The following MTUS1 variants were observed in gnomAD, a reference collection of about 807,000 sequenced individuals.
MTUS1 encodes microtubule-associated tumor suppressor 1.
MTUS1 carries 109 observed loss-of-function variants against 120.8 expected under a neutral mutation model. That is an observed-to-expected ratio of 0.90 (90% CI 0.77 to 1.06). The LOEUF (loss-of-function observed/expected upper bound fraction) is 1.06. MTUS1 is among the 50% of genes least tolerant of loss of function. The pLI, the probability that MTUS1 is intolerant of heterozygous loss-of-function variation, is 0.00. For missense variants in MTUS1, 2,210 were observed against 1,486.3 expected, an observed-to-expected ratio of 1.49 and a Z score of -8.01; for synonymous variants, 737 against 550.5, an observed-to-expected ratio of 1.34 and a Z score of -4.74.
chr8:17,790,117 G>A (rs1270628063), intron 1 of MTUS1, among the ~76,000 whole-genome samples: 1 of 152,156 alleles, frequency 6.6e-6, no homozygotes, highest in African/African-American at 2.4e-5. Context: ...GGGAGGTTGA[G>A]GCAGGTGGAT....
intron 7 of MTUS1, among the ~76,000 whole-genome samples, chr8:17,679,518 T>TA (rs1813881846): frequency 6.8e-6 from 1 of 146,886 alleles, no homozygotes; most frequent in African/African-American, 2.5e-5. Flanking sequence ...TTTATTTATT[T>TA]TTTGAGACAG....
At chr8:17,791,866 A>G (rs1052186043) in intron 1 of MTUS1, among the ~76,000 whole-genome samples, 1 of 152,216 alleles carries the variant, frequency 6.6e-6, no homozygotes, top group Non-Finnish European at 1.5e-5. Flanking sequence ...ACTAGAGACT[A>G]AGGAAGGTTA....
intron 2 of MTUS1, among the ~76,000 whole-genome samples, chr8:17,747,576 G>C (rs1396723350): frequency 6.6e-6 from 1 of 152,136 alleles, no homozygotes; most frequent in African/African-American, 2.4e-5. Context: ...TTCTAAACCT[G>C]TTTGCCCACT....
intron 6 of MTUS1, among the ~76,000 whole-genome samples, chr8:17,704,681 C>T (rs1037767526): frequency 6.6e-6 from 1 of 152,180 alleles, no homozygotes; most frequent in African/African-American, 2.4e-5. Context: ...TTGTAATATA[C>T]TTTAAAATCA....
chr8:17,797,671 C>T (rs1287406466), intron 1 of MTUS1, among the ~76,000 whole-genome samples: 2 of 152,024 alleles, frequency 1.3e-5, no homozygotes, highest in Non-Finnish European at 2.9e-5. Flanking sequence ...CACCTCCCTC[C>T]GGGGCCTGCC....
chr8:17,712,409 T>G (rs1821490900), intron 6 of MTUS1, among the ~76,000 whole-genome samples: 1 of 152,044 alleles, frequency 6.6e-6, no homozygotes, highest in Admixed American at 6.5e-5. Context: ...TAATCTACGC[T>G]CAATGCCACC....
intron 2 of MTUS1, among the ~76,000 whole-genome samples, chr8:17,751,261 T>C (rs571213801): frequency 2.0e-5 from 3 of 152,262 alleles, no homozygotes; most frequent in East Asian, 1.9e-4. Flanking sequence ...ATCGCGCCAC[T>C]GCACTCCATC....
At chr8:17,681,135 T>C (rs939648130) in intron 7 of MTUS1, among the ~76,000 whole-genome samples, 9 of 152,124 alleles carry the variant, frequency 5.9e-5, no homozygotes, top group African/African-American at 2.2e-4. Flanking sequence ...GGTTTTACCA[T>C]ATTGGTCAGG....
chr8:17,734,823 C>G (rs1340800083), intron 3 of MTUS1, among the ~76,000 whole-genome samples: 2 of 152,168 alleles, frequency 1.3e-5, no homozygotes, highest in Non-Finnish European at 2.9e-5. Context: ...AGTGAGCCTC[C>G]TGGCTCATTA....
At chr8:17,769,644 G>C (rs916337254) in intron 1 of MTUS1, among the ~76,000 whole-genome samples, 1 of 152,002 alleles carries the variant, frequency 6.6e-6, no homozygotes, top group Non-Finnish European at 1.5e-5. Context: ...ACCCGCGCCC[G>C]GCCCTTAGTC....
At chr8:17,688,556 C>G (rs921525046) in intron 6 of MTUS1, among the ~76,000 whole-genome samples, 58 of 152,190 alleles carry the variant, frequency 3.8e-4, no homozygotes, top group African/African-American at 1.2e-3. Flanking sequence ...CATGGACAGA[C>G]AGAAAATTCC....
chr8:17,721,087 C>A (rs898862268), intron 4 of MTUS1, among the ~76,000 whole-genome samples: 3 of 152,082 alleles, frequency 2.0e-5, no homozygotes, highest in Admixed American at 2.0e-4. Flanking sequence ...TTAAATGATG[C>A]CACTAAAGAT....
intron 6 of MTUS1, among the ~76,000 whole-genome samples, chr8:17,690,897 A>G (rs1816809608): frequency 6.6e-6 from 1 of 152,224 alleles, no homozygotes; most frequent in Non-Finnish European, 1.5e-5. Context: ...TACCTCTAAA[A>G]TCACACCTGT....
At chr8:17,786,578 G>A (rs536386005) in intron 1 of MTUS1, among the ~76,000 whole-genome samples, 1 of 152,112 alleles carries the variant, frequency 6.6e-6, no homozygotes, top group Admixed American at 6.5e-5. Context: ...TTATCTTGAG[G>A]TTGCCACATT....
At chr8:17,676,384 C>T in intron 7 of MTUS1, 1 of 701,744 alleles carries the variant, frequency 1.4e-6, no homozygotes, top group South Asian at 1.5e-5. Context: ...AAGAAGCATA[C>T]AGGTGGCCGC....
chr8:17,769,292 G>A (rs1427247302), intron 1 of MTUS1, among the ~76,000 whole-genome samples: 1 of 138,332 alleles, frequency 7.2e-6, no homozygotes, highest in African/African-American at 2.7e-5. Context: ...GCATGTGGAA[G>A]ACCTTACACA....
intron 8 of MTUS1, among the ~76,000 whole-genome samples, chr8:17,669,521 G>A (rs891666757): frequency 2.0e-5 from 3 of 152,012 alleles, no homozygotes; most frequent in Non-Finnish European, 2.9e-5. Flanking sequence ...TTCCCCCAAG[G>A]CCAAAATAGA....
intron 1 of MTUS1, among the ~76,000 whole-genome samples, chr8:17,784,890 T>A (rs1050713190): frequency 6.6e-6 from 1 of 152,036 alleles, no homozygotes; most frequent in Non-Finnish European, 1.5e-5. Flanking sequence ...CTTCAAGTGA[T>A]TCTCGGGCCT....
Position 17,722,570 on chromosome 8 carries a change from CTCATA to C in MTUS1, c.2449+1097_2449+1101del, listed in dbSNP as rs1186291494. ...GTGCCAGGGTATGCAGCTACTTACT[CTCATA>C]TGAGTCCAGCTACTGCTGCTAGGTG... On this transcript the variant is annotated intron_variant, in intron 4 of 14. Transcript: ENST00000693296. 1.1e-5 allele frequency: 11 copies of C among 985,204 alleles called. No individual in the cohort carries two copies. In the East Asian group the frequency reaches 9.1e-4, roughly 81 times the overall value. 61.0% of individuals were successfully genotyped at this position (985,204 alleles called of 1,614,324 possible).
Sources: gnomAD v4.1 joint callset for allele counts (sites outside exome capture counted in the v4.1 genomes callset) on GRCh38, gnomAD v4.1.1 for gene constraint, MANE v1.5 for transcripts, NCBI Gene and HGNC (gene_info 2026-07-23, HGNC 2026-07-21) for gene names.